Variants in LRRC4C observed in about 807,000 individuals in gnomAD.
LRRC4C encodes leucine-rich repeat-containing protein 4C.
In LRRC4C, 5 loss-of-function variants were observed where a neutral mutation model predicts 33.6. That is an observed-to-expected ratio of 0.15 (90% CI 0.08 to 0.31). The LOEUF is 0.31. Among genes scored for constraint, LRRC4C ranks in the 10% least tolerant of loss-of-function variants. LRRC4C has a pLI of 1.00. For missense variants in LRRC4C, 560 were observed against 796.7 expected, an observed-to-expected ratio of 0.70 and a Z score of 3.58; for synonymous variants, 329 against 302.0, an observed-to-expected ratio of 1.09 and a Z score of -0.93.
chr11:40,436,460 G>A (rs1385572075), intron 3 of LRRC4C, among the ~76,000 whole-genome samples: 1 of 152,144 alleles, frequency 6.6e-6, no homozygotes, highest in Admixed American at 6.5e-5. Context: ...TCCTGGCCAG[G>A]AGAAATACAT....
At chr11:40,277,324 A>G (rs1366958687) in intron 4 of LRRC4C, among the ~76,000 whole-genome samples, 1 of 152,130 alleles carries the variant, frequency 6.6e-6, no homozygotes, top group African/African-American at 2.4e-5. Flanking sequence ...CAAAGGGTTG[A>G]TATATTTAAA....
chr11:40,219,517 G>A (rs2058081314), intron 5 of LRRC4C, among the ~76,000 whole-genome samples: 1 of 152,118 alleles, frequency 6.6e-6, no homozygotes, highest in South Asian at 2.1e-4. Context: ...CCTGTTAAAT[G>A]AGTAAATTGA....
chr11:40,662,321 T>G (rs546404442), intron 2 of LRRC4C, among the ~76,000 whole-genome samples: 1 of 152,274 alleles, frequency 6.6e-6, no homozygotes, highest in East Asian at 1.9e-4. Context: ...CAGGAATGCA[T>G]GTGGACACTC....
intron 1 of LRRC4C, among the ~76,000 whole-genome samples, chr11:41,073,616 A>G (rs1590438573): frequency 1.3e-5 from 2 of 152,298 alleles, no homozygotes; most frequent in Non-Finnish European, 1.5e-5. Context: ...TGTTACTATC[A>G]TTTTTGCTAA....
intron 1 of LRRC4C, among the ~76,000 whole-genome samples, chr11:41,369,846 T>C (rs1952679774): frequency 1.3e-5 from 2 of 152,136 alleles, no homozygotes; most frequent in African/African-American, 4.8e-5. Flanking sequence ...CTGCGAATAA[T>C]GTGCAGGATG....
intron 3 of LRRC4C, among the ~76,000 whole-genome samples, chr11:40,577,805 T>C (rs4756600): frequency 0.29 from 44,130 of 150,810 alleles, 6,580 homozygotes; most frequent in Middle Eastern, 0.4. Context: ...CAAGACTGGA[T>C]TTTTTTGTTT....
chr11:40,753,510 ATACCCTGTGC>A (rs1167722709), intron 2 of LRRC4C, among the ~76,000 whole-genome samples: 1 of 150,350 alleles, frequency 6.7e-6, no homozygotes, highest in Non-Finnish European at 1.5e-5. Flanking sequence ...TCCCATTTTC[ATACCCTGTGC>A]TACTCAGTTC....
intron 4 of LRRC4C, among the ~76,000 whole-genome samples, chr11:40,305,271 A>G (rs748728208): frequency 1.3e-5 from 2 of 152,118 alleles, no homozygotes; most frequent in Non-Finnish European, 2.9e-5. Flanking sequence ...TTTCTGCAGA[A>G]CCCTTATCTG....
intron 2 of LRRC4C, among the ~76,000 whole-genome samples, chr11:40,848,769 G>A (rs138388270): frequency 0.01 from 1,534 of 152,180 alleles, 28 homozygotes; most frequent in African/African-American, 0.034. Context: ...TTGTTATTGC[G>A]TGGGAGTCTA....
chr11:40,543,389 GC>G (rs1438666774), intron 3 of LRRC4C, among the ~76,000 whole-genome samples: 1 of 152,008 alleles, frequency 6.6e-6, no homozygotes, highest in Non-Finnish European at 1.5e-5. Context: ...TTTGTTATAT[GC>G]CAAACTATAC....
intron 1 of LRRC4C, among the ~76,000 whole-genome samples, chr11:41,143,739 G>A (rs1943612310): frequency 6.6e-6 from 1 of 151,994 alleles, no homozygotes; most frequent in Non-Finnish European, 1.5e-5. Flanking sequence ...CATATTTTGG[G>A]GGCATGGGGC....
chr11:40,967,638 C>A (rs185974997), intron 1 of LRRC4C, among the ~76,000 whole-genome samples: 1 of 151,866 alleles, frequency 6.6e-6, no homozygotes, highest in South Asian at 2.1e-4. Context: ...TCTGATGTTA[C>A]TATTTTAATT....
chr11:40,656,904 T>G (rs939951282), intron 2 of LRRC4C, among the ~76,000 whole-genome samples: 22 of 152,314 alleles, frequency 1.4e-4, no homozygotes, highest in African/African-American at 5.1e-4. Context: ...AGCTTGTATT[T>G]AAAATTTCAT....
chr11:40,222,961 A>G (rs543106789), intron 5 of LRRC4C, among the ~76,000 whole-genome samples: 1 of 152,324 alleles, frequency 6.6e-6, no homozygotes, highest in East Asian at 1.9e-4. Flanking sequence ...GAAAGTGGCC[A>G]AGCATTAAGC....
chr11:40,463,498 A>G (rs1308732402), intron 3 of LRRC4C, among the ~76,000 whole-genome samples: 1 of 152,112 alleles, frequency 6.6e-6, no homozygotes, highest in Non-Finnish European at 1.5e-5. Context: ...AGACAGAAAT[A>G]TCGGAAATTT....
At chr11:40,795,043 A>C (rs754914555) in intron 2 of LRRC4C, among the ~76,000 whole-genome samples, 5 of 152,180 alleles carry the variant, frequency 3.3e-5, no homozygotes, top group Admixed American at 2.0e-4. Context: ...ATCACTTCAG[A>C]TTGTAGTGTT....
intron 2 of LRRC4C, among the ~76,000 whole-genome samples, chr11:40,683,374 C>G (rs1364889494): frequency 6.6e-6 from 1 of 152,170 alleles, no homozygotes; most frequent in African/African-American, 2.4e-5. Flanking sequence ...GAAATAGGGA[C>G]TGTTGCCTAA....
At chr11:41,131,622 G>A (rs1265822120) in intron 1 of LRRC4C, among the ~76,000 whole-genome samples, 1 of 152,062 alleles carries the variant, frequency 6.6e-6, no homozygotes, top group Non-Finnish European at 1.5e-5. Flanking sequence ...AAATAAGGCT[G>A]AGACCTACAG....
chr11:41,002,067 A>G (rs757092520), intron 1 of LRRC4C, among the ~76,000 whole-genome samples: 3 of 152,140 alleles, frequency 2.0e-5, no homozygotes, highest in Admixed American at 6.6e-5. Flanking sequence ...TTGGAAGGGC[A>G]GTGGAGATTT....
Sources: gnomAD v4.1 joint callset for allele counts (sites outside exome capture counted in the v4.1 genomes callset) on GRCh38, gnomAD v4.1.1 for gene constraint, MANE v1.5 for transcripts, NCBI Gene and HGNC (gene_info 2026-07-23, HGNC 2026-07-21) for gene names.